Variants in RET observed in about 807,000 individuals in gnomAD.
The protein encoded by RET is ret proto-oncogene.
RET carries 19 observed loss-of-function variants against 118.3 expected under a neutral mutation model. That is an observed-to-expected ratio of 0.16 (90% CI 0.11 to 0.24). The LOEUF (loss-of-function observed/expected upper bound fraction) is 0.24, where lower values mean the gene tolerates loss of function less well. RET is among the 10% of genes least tolerant of loss of function. RET has a pLI of 1.00. For missense variants in RET, 1,219 were observed against 1,502.1 expected (o/e 0.81, Z 3.12); for synonymous variants, 597 against 644.1 (o/e 0.93, Z 1.11).
In RET at chr10:43,077,152, G is replaced by A. The variant is rs905665558; in HGVS notation, c.-107G>A. On this transcript the variant is annotated 5_prime_UTR_variant, in exon 1 of 20. Transcript: ENST00000355710. The stretch of plus-strand genomic sequence containing the variant: ...GCCCCCAGTGTCCGTCGCGTCCGCC[G>A]CGCCCCGGGCGGGGATGGGGCGGCC... 22 of 1,302,634 alleles carry A rather than the reference G, an allele frequency of 1.7e-5. No homozygotes were observed. The highest frequency in any genetic ancestry group is 2.8e-4 in the Middle Eastern group (1 of 3,532). The allele number at this position is 1,302,634 out of a possible 1,614,324, so 80.7% of individuals were successfully genotyped here.
chr10:43,124,101 A>G (rs1156746821), intron 17 of RET, among the ~76,000 whole-genome samples: 2 of 152,060 alleles, frequency 1.3e-5, no homozygotes, highest in African/African-American at 4.8e-5. Flanking sequence ...CTTAGGGAGG[A>G]GAAGGTAATT....
intron 1 of RET, among the ~76,000 whole-genome samples, chr10:43,088,832 C>T (rs1374548529): frequency 1.3e-5 from 2 of 152,196 alleles, no homozygotes; most frequent in East Asian, 1.9e-4. Context: ...CCTCATGGCC[C>T]GAGGAGCTGG....
In RET at chr10:43,119,748, G is replaced by A. The variant is rs752538741; in HGVS notation, c.2607+3G>A. On this transcript the variant is annotated splice_donor_region_variant and intron_variant, in intron 14 of 19. Transcript: ENST00000355710. ...TGCAGTATCTGGCCGAGATGAAGGT[G>A]CGTGCATATGGCTCTGCACCCAGCC... 2.2e-5 allele frequency: 36 copies of A among 1,612,762 alleles called. No individual in the cohort carries two copies. The highest frequency in any genetic ancestry group is 2.7e-5 in the Non-Finnish European group (32 of 1,179,864).
chr10:43,088,961 G>A (rs918704039), intron 1 of RET, among the ~76,000 whole-genome samples: 3 of 152,062 alleles, frequency 2.0e-5, no homozygotes, highest in Admixed American at 6.5e-5. Context: ...CAGCCCTCCC[G>A]TCCTGCCGGG....
At chr10:43,116,551 C>T (rs1451553190) in intron 11 of RET, 33 bp from the exon 12 acceptor site, 1 of 1,613,148 alleles carries the variant, frequency 6.2e-7, no homozygotes, top group Non-Finnish European at 8.5e-7. Flanking sequence ...ACTTTTCCCC[C>T]CTCTTCTCCC....
intron 1 of RET, among the ~76,000 whole-genome samples, chr10:43,077,596 C>A (rs1180620170): frequency 6.6e-6 from 1 of 151,796 alleles, no homozygotes; most frequent in African/African-American, 2.4e-5. Flanking sequence ...GGTCGGTGCT[C>A]AGAACCCTAG....
In RET at chr10:43,120,216, G is replaced by A. The variant is rs371761256; in HGVS notation, c.2730+13G>A. 3.1e-6 allele frequency: 5 copies of A among 1,612,040 alleles called. No individual in the cohort carries two copies. The highest frequency in any genetic ancestry group is 4.5e-5 in the East Asian group (2 of 44,882). Reference sequence around the variant, plus strand: ...GAAGAGGAGCCAGGTGCCCAGTCCCGGGGATGAGGCGGGGCTCCCAGGGAT... The same window carrying A: ...GAAGAGGAGCCAGGTGCCCAGTCCCAGGGATGAGGCGGGGCTCCCAGGGAT... On this transcript the variant is annotated intron_variant, in intron 15 of 19. Coordinates refer to ENST00000355710, the MANE Select transcript of RET (RefSeq NM_020975.6).
At position 43,114,782 on chromosome 10, in the gene RET, T is replaced by A; in HGVS notation, c.2136+46T>A. The A allele has an allele frequency of 6.4e-7, 1 of 1,563,726 alleles. No homozygotes were observed. The highest frequency in any genetic ancestry group is 8.6e-7 in the Non-Finnish European group (1 of 1,159,124). The stretch of plus-strand genomic sequence containing the variant: ...GGGAAGATCCCCTGCCCTCCCCAGC[T>A]GCCTTCCAGGGAGGGAGGCCAGCTG... On this transcript the variant is annotated intron_variant, in intron 11 of 19. Transcript: ENST00000355710. The surrounding 1 kb of genome is among the most constrained non-coding windows in gnomAD (Gnocchi z 4.6).
intron 1 of RET, among the ~76,000 whole-genome samples, chr10:43,085,676 G>A (rs1247323244): frequency 6.6e-6 from 1 of 152,144 alleles, no homozygotes; most frequent in African/African-American, 2.4e-5. Context: ...AGGCCCTGAG[G>A]GAGGCGTGAG....
At chr10:43,098,097 A>G (rs1299108982) in intron 1 of RET, among the ~76,000 whole-genome samples, 1 of 152,246 alleles carries the variant, frequency 6.6e-6, no homozygotes, top group African/African-American at 2.4e-5. Context: ...ATACACAAAA[A>G]TGATTTACAA....
intron 19 of RET, chr10:43,127,267 C>T: frequency 1.9e-6 from 2 of 1,071,384 alleles, no homozygotes; most frequent in Non-Finnish European, 2.3e-6. Flanking sequence ...TGTCCTCCAT[C>T]AGGGGTAGCG....
chr10:43,077,933 C>A (rs146058483), intron 1 of RET, among the ~76,000 whole-genome samples: 6 of 152,230 alleles, frequency 3.9e-5, no homozygotes, highest in African/African-American at 1.4e-4. Context: ...GTGGCTCCCC[C>A]CGAGGGGCCG....
intron 6 of RET, among the ~76,000 whole-genome samples, chr10:43,110,839 G>A (rs1837899499): frequency 1.3e-5 from 2 of 152,334 alleles, no homozygotes; most frequent in South Asian, 2.1e-4. Flanking sequence ...GAGCCTGGGA[G>A]ACATTCCGGC....
chr10:43,126,433 C>A, intron 18 of RET, 142 bp from the exon 19 acceptor site: 1 of 814,510 alleles, frequency 1.2e-6, no homozygotes, highest in Non-Finnish European at 2.1e-6. Flanking sequence ...GCAGCCTGGC[C>A]CTGGTCTCTT....
intron 1 of RET, among the ~76,000 whole-genome samples, chr10:43,091,793 C>T (rs185816771): frequency 5.4e-4 from 79 of 146,916 alleles, no homozygotes; most frequent in African/African-American, 2.0e-3. Flanking sequence ...CATGTGATAC[C>T]ATCTCACACC....
intron 1 of RET, among the ~76,000 whole-genome samples, chr10:43,078,505 A>T (rs1239208270): frequency 1.3e-5 from 2 of 152,362 alleles, no homozygotes; most frequent in East Asian, 3.9e-4. Flanking sequence ...AGCGAGGGAC[A>T]GGGGAGAAGC....
chr10:43,115,215 G>A (rs1204017918), intron 11 of RET, among the ~76,000 whole-genome samples: 1 of 152,228 alleles, frequency 6.6e-6, no homozygotes, highest in Non-Finnish European at 1.5e-5. Flanking sequence ...GGAAGTAACA[G>A]AGGCTCAGAG....
Position 43,102,596 on chromosome 10 carries a change from C to T in RET, c.592C>T (p.Pro198Ser), listed in dbSNP as rs76736111. Residue 198 changes from proline (P) to serine (S), a missense_variant, in exon 3 of 20, where the codon CCC becomes TCC. Pro to Ser is a moderately conservative substitution (Grantham distance 74). Coordinates refer to ENST00000355710, the MANE Select transcript of RET (RefSeq NM_020975.6). ...CCTGCTGCCTGTGCAGTTCTTGTGCCCCAACATCAGCGTGGCCTACAGGCT... is the reference window on the plus strand; with the variant it reads ...CCTGCTGCCTGTGCAGTTCTTGTGCTCCAACATCAGCGTGGCCTACAGGCT... ...FRLLPVQFLC[P>S]NISVAYRLLE... 1 of 1,614,202 alleles carries T rather than the reference C, an allele frequency of 6.2e-7. No homozygotes were observed. Among genetic ancestry groups the T allele is most frequent in the African/African-American group, 1.3e-5 (1 of 75,074 alleles).
rs143862573 is a variant in RET at position 43,119,750 on chromosome 10, G to A, written c.2607+5G>A. On this transcript the variant is annotated splice_donor_5th_base_variant and intron_variant, in intron 14 of 19. Coordinates refer to ENST00000355710, the MANE Select transcript of RET (RefSeq NM_020975.6). ...CAGTATCTGGCCGAGATGAAGGTGC[G>A]TGCATATGGCTCTGCACCCAGCCAG... The A allele has an allele frequency of 2.5e-5, 41 of 1,612,278 alleles. No homozygotes were observed. The highest frequency in any genetic ancestry group is 3.3e-5 in the Non-Finnish European group (39 of 1,179,660).
Sources: gnomAD v4.1 joint callset for allele counts (sites outside exome capture counted in the v4.1 genomes callset) on GRCh38, gnomAD v4.1.1 for gene constraint, Gnocchi (gnomAD v3.1) non-coding constraint, MANE v1.5 for transcripts, NCBI Gene and HGNC (gene_info 2026-07-23, HGNC 2026-07-21) for gene names.